Variants in USF3 observed in about 807,000 individuals in gnomAD.
USF3 encodes upstream transcription factor family member 3, also known as basic helix-loop-helix domain-containing protein USF3.
In USF3, 29 loss-of-function variants were observed where a neutral mutation model predicts 157.5. The ratio of observed to expected loss-of-function variants is 0.18; its 90% CI spans 0.14 to 0.25. The LOEUF (loss-of-function observed/expected upper bound fraction) is 0.25, where lower values mean the gene tolerates loss of function less well. Ranked by LOEUF, USF3 falls within the 10% of genes least tolerant of loss-of-function variation. The pLI is 1.00. For missense variants in USF3, 2,381 were observed against 2,667.6 expected, an observed-to-expected ratio of 0.89 and a Z score of 2.37; for synonymous variants, 893 against 941.4, an observed-to-expected ratio of 0.95 and a Z score of 0.94.
chr3:113,678,616 T>A (rs2107947926), intron 1 of USF3, among the ~76,000 whole-genome samples: 1 of 152,326 alleles, frequency 6.6e-6, no homozygotes, highest in Non-Finnish European at 1.5e-5. Flanking sequence ...GGAAAGGAAC[T>A]ATACAATATT....
chr3:113,677,113 G>A (rs2107946084), intron 2 of USF3, among the ~76,000 whole-genome samples, 169 bp downstream of exon 2: 1 of 152,274 alleles, frequency 6.6e-6, no homozygotes, highest in South Asian at 2.1e-4. Context: ...GTCGAGAAAT[G>A]TGTCATCAAG....
chr3:113,687,439 T>C (rs984092654), intron 1 of USF3, among the ~76,000 whole-genome samples: 59 of 152,320 alleles, frequency 3.9e-4, no homozygotes, highest in African/African-American at 1.3e-3. Flanking sequence ...TCATTGCTAC[T>C]GGGGTGTCAC....
chr3:113,656,963 G>T lies in USF3; in HGVS notation c.4719C>A (p.Ser1573=), dbSNP rs370605801. Residue 1573 remains serine (S), a synonymous_variant, in exon 7 of 7, where the codon TCC becomes TCA. Coordinates refer to ENST00000316407, the MANE Select transcript of USF3 (RefSeq NM_001009899.4). ...QQQMQQHFGS[S]QTEKSCENPS... is the part of the protein sequence containing the mutation. The stretch of plus-strand genomic sequence containing the variant: ...GGTTTTCACAGCTCTTCTCTGTCTG[G>T]GAGCTTCCAAAGTGTTGCTGCATTT... 5 of 1,614,008 alleles carry T rather than the reference G, an allele frequency of 3.1e-6. No homozygotes were observed. In the African/African-American group the frequency reaches 6.7e-5, roughly 22 times the overall value.
rs765047076 is a variant in USF3 at position 113,664,299 on chromosome 3, T to G, written c.256+14A>C. ...TTAAAATACAACAAAAAGTAAGAAC[T>G]TTTAAATCTTTACCTTGTTCATTGT... On this transcript the variant is annotated intron_variant, in intron 6 of 6. Transcript: ENST00000316407. 5 of 1,504,558 alleles carry G rather than the reference T, an allele frequency of 3.3e-6. No individual in the cohort carries two copies. Among genetic ancestry groups the G allele is most frequent in the Non-Finnish European group, 4.6e-6 (5 of 1,097,120 alleles). 93.2% of individuals were successfully genotyped at this position (1,504,558 alleles called of 1,614,324 possible).
At position 113,670,173 on chromosome 3, in the gene USF3, G is replaced by C. The variant is rs1246277722; in HGVS notation, c.107C>G (p.Ala36Gly). The change falls in exon 5 of 7, where the codon GCT (alanine) becomes GGT (glycine). Residue 36 changes from alanine (A) to glycine (G), a missense_variant. Ala to Gly is a moderately conservative substitution (Grantham distance 60). Around this residue, in one of 6 missense-constraint regions of USF3, gnomAD observed 105 missense variants for 158.6 expected, o/e 0.66. Transcript: ENST00000316407. ...VERHRKKKIN[A>G]GINRIGELIP... ...CAGCTCTCCTATTCTGTTTATCCCA[G>C]CATTAATTTTCTTCTTTCTATGCCT... 3 of 1,613,150 alleles carry C rather than the reference G, an allele frequency of 1.9e-6. No individual in the cohort carries two copies. Among genetic ancestry groups the C allele is most frequent in the Non-Finnish European group, 2.5e-6 (3 of 1,179,216 alleles).
rs1441728898 is a variant in USF3, at chr3:113,678,403, A to C, written c.-134-1006T>G. Among the ~76,000 whole-genome samples, 7 of 152,288 alleles carry C rather than the reference A, an allele frequency of 4.6e-5. No individual in the cohort carries two copies. In the East Asian group the frequency reaches 7.7e-4, roughly 17 times the overall value. On this transcript the variant is annotated intron_variant, in intron 1 of 6. Transcript: ENST00000316407. ...TAAAATCTTGAAGTCAATGACACTA[A>C]GGGTCTATCACATAAGTAAACATTC... is the stretch of plus-strand genomic sequence containing the variant.
intron 3 of USF3, 81 bp downstream of exon 3, chr3:113,674,751 G>A (rs1236884651): frequency 4.7e-6 from 5 of 1,063,206 alleles, no homozygotes; most frequent in Non-Finnish European, 7.4e-6. Context: ...GTTCTCTAAG[G>A]ACTACCTATG....
intron 1 of USF3, among the ~76,000 whole-genome samples, chr3:113,686,560 A>G (rs2107959307): frequency 6.6e-6 from 1 of 152,302 alleles, no homozygotes; most frequent in South Asian, 2.1e-4. Flanking sequence ...ACATGCCAGT[A>G]TTACAGGTGG....
intron 4 of USF3, among the ~76,000 whole-genome samples, chr3:113,672,133 T>C (rs1467667727): frequency 6.6e-6 from 1 of 151,602 alleles, no homozygotes; most frequent in Non-Finnish European, 1.5e-5. Context: ...ACACATCTCT[T>C]TCTTTTTTTT....
At position 113,653,846 on chromosome 3, in the gene USF3, CATT is replaced by C. The variant is rs1947308063; in HGVS notation, c.*1095_*1097del. The C allele has an allele frequency of 6.6e-6, 1 of 151,994 alleles. No homozygotes were observed. Among genetic ancestry groups the C allele is most frequent in the Non-Finnish European group, 1.5e-5 (1 of 68,012 alleles). 9.4% of individuals were successfully genotyped at this position (151,994 alleles called of 1,614,324 possible). ...AAGAAAAATAACAAATTCATATTCTCATTATAATTCTGTTATGAAGGATAATAA... is the reference window on the plus strand; with the variant it reads ...AAGAAAAATAACAAATTCATATTCTCATAATTCTGTTATGAAGGATAATAA... On this transcript the variant is annotated 3_prime_UTR_variant, in exon 7 of 7. Transcript: ENST00000316407.
In USF3 at chr3:113,658,775, A is replaced by T; in HGVS notation, c.2907T>A (p.Ser969Arg). The T allele has an allele frequency of 6.2e-7, 1 of 1,614,176 alleles. No individual in the cohort carries two copies. Among genetic ancestry groups the T allele is most frequent in the South Asian group, 1.1e-5 (1 of 91,084 alleles). ...PGLSSTTSTT[S>R]TDCVSEVEII... is the part of the protein sequence containing the mutation. ...TTTCTACCTCAGAAACACAGTCAGT[A>T]CTTGTAGTGCTTGTTGTAGATGACA... The change falls in exon 7 of 7, where the codon AGT (serine) becomes AGA (arginine). Residue 969 changes from serine (S) to arginine (R), a missense_variant. Coordinates refer to ENST00000316407, the MANE Select transcript of USF3 (RefSeq NM_001009899.4).
At chr3:113,666,964 T>A (rs1947580144) in intron 5 of USF3, among the ~76,000 whole-genome samples, 1 of 152,180 alleles carries the variant, frequency 6.6e-6, no homozygotes, top group African/African-American at 2.4e-5. Flanking sequence ...ACCTTAACAG[T>A]CATTTCTGGT....
intron 1 of USF3, among the ~76,000 whole-genome samples, chr3:113,687,340 C>T (rs557828985): frequency 6.6e-6 from 1 of 152,122 alleles, no homozygotes; most frequent in Admixed American, 6.5e-5. Context: ...CCCTGCCCCA[C>T]TCTTAGAATC....
Position 113,657,947 on chromosome 3 carries a change from G to T in USF3, c.3735C>A (p.Ile1245=), listed in dbSNP as rs749884333. 4 of 1,614,066 alleles carry T rather than the reference G, an allele frequency of 2.5e-6. No individual in the cohort carries two copies. The highest frequency in any genetic ancestry group is 3.4e-6 in the Non-Finnish European group (4 of 1,180,050). ...GAGGATGGCTGATGCTGCTCTGATG[G>T]ATAAGATTATTCACACTTAAACTGG... ...SITSLSVNNL[I]HQSSISHPLA... The change falls in exon 7 of 7, where the codon ATC becomes ATA. Residue 1245 remains isoleucine, a synonymous_variant. Coordinates refer to ENST00000316407, the MANE Select transcript of USF3 (RefSeq NM_001009899.4).
rs1233197308 is a variant in USF3 at position 113,661,005 on chromosome 3, C to T, written c.677G>A (p.Cys226Tyr). Residue 226 changes from cysteine to tyrosine, a missense_variant, in exon 7 of 7, where the codon TGT becomes TAT. Cys to Tyr is a radical substitution (Grantham distance 194). Coordinates refer to ENST00000316407, the MANE Select transcript of USF3 (RefSeq NM_001009899.4). ...ALATNQPVPL[C>Y]LPAAISAQSI... ...CTGAGCAGAAATGGCAGCAGGAAGA[C>T]AAAGAGGAACAGGCTGGTTGGTAGC... 2.5e-6 allele frequency: 4 copies of T among 1,614,116 alleles called. No homozygotes were observed. In the Admixed American group the frequency reaches 5.0e-5, roughly 20 times the overall value.
Position 113,651,630 on chromosome 3 carries a change from C to G in USF3, c.*3314G>C, listed in dbSNP as rs1947262704. On this transcript the variant is annotated 3_prime_UTR_variant, in exon 7 of 7. Transcript: ENST00000316407. ...ATTTCTTCCCAAAAATCACGTAGCT[C>G]TATCAAATACTTAATACTGCTAGTA... The G allele has an allele frequency of 6.6e-6, 1 of 152,204 alleles. No homozygotes were observed. Among genetic ancestry groups the G allele is most frequent in the Non-Finnish European group, 1.5e-5 (1 of 68,034 alleles). The allele number at this position is 152,204 out of a possible 1,614,324, so 9.4% of individuals were successfully genotyped here.
In USF3 at chr3:113,656,922, T is replaced by C. The variant is rs1947371028; in HGVS notation, c.4760A>G (p.Asn1587Ser). 1 of 1,614,188 alleles carries C rather than the reference T, an allele frequency of 6.2e-7. No homozygotes were observed. The highest frequency in any genetic ancestry group is 8.5e-7 in the Non-Finnish European group (1 of 1,180,022). ...KSCENPSTSRNHHNHPQNHLN... is the reference protein window; with the variant it reads ...KSCENPSTSRSHHNHPQNHLN... ...ATGGTTCTGGGGATGGTTATGATGG[T>C]TCCGACTAGTTGAAGGGTTTTCACA... Residue 1587 changes from asparagine (N) to serine (S), a missense_variant, in exon 7 of 7, where the codon AAC becomes AGC. Asn to Ser is a conservative substitution (Grantham distance 46, BLOSUM62 1). Coordinates refer to ENST00000316407, the MANE Select transcript of USF3 (RefSeq NM_001009899.4).
At position 113,657,294 on chromosome 3, in the gene USF3, TG is replaced by T. The variant is rs1258270758; in HGVS notation, c.4387del (p.Gln1463SerfsTer20). ...LHSNHLYIKQ[Q>X]QQQQQQQQQQ... Reference sequence around the variant, plus strand: ...CTGCTGCTGCTGCTGCTGCTGCTGCTGCTGCTTTATGTAGAGATGGTTACTA... The same window carrying T: ...CTGCTGCTGCTGCTGCTGCTGCTGCTCTGCTTTATGTAGAGATGGTTACTA... On this transcript the variant is annotated frameshift_variant, in exon 7 of 7. Transcript: ENST00000316407. LOFTEE classifies it high-confidence loss of function. The T allele has an allele frequency of 8.1e-6, 12 of 1,486,002 alleles. No homozygotes were observed. Among genetic ancestry groups the T allele is most frequent in the Non-Finnish European group, 1.1e-5 (12 of 1,080,974 alleles). 92.1% of individuals were successfully genotyped at this position (1,486,002 alleles called of 1,614,324 possible).
At position 113,657,575 on chromosome 3, in the gene USF3, G is replaced by T. The variant is rs1947389241; in HGVS notation, c.4107C>A (p.Asp1369Glu). The change falls in exon 7 of 7, where the codon GAC (aspartate) becomes GAA (glutamate). Residue 1369 changes from aspartate (D) to glutamate (E), a missense_variant. By Grantham distance (45) the Asp-to-Glu change is conservative. Coordinates refer to ENST00000316407, the MANE Select transcript of USF3 (RefSeq NM_001009899.4). Reference sequence around the variant, plus strand: ...TCTGACTGACCATCATTTGAGTTTGGTCAGAAATGGTGTCTGGAGTTCTGC... The same window carrying T: ...TCTGACTGACCATCATTTGAGTTTGTTCAGAAATGGTGTCTGGAGTTCTGC... ...LMSRTPDTIS[D>E]QTQMMVSQIP... The T allele has an allele frequency of 1.5e-5, 25 of 1,614,146 alleles. No homozygotes were observed. The highest frequency in any genetic ancestry group is 1.9e-5 in the Non-Finnish European group (23 of 1,180,030).
Sources: allele counts gnomAD v4.1 joint callset (sites outside exome capture counted in the v4.1 genomes callset), GRCh38; gene constraint gnomAD v4.1.1; regional missense constraint gnomAD v4.1.1; transcripts MANE v1.5; gene names NCBI Gene and HGNC (gene_info 2026-07-23, HGNC 2026-07-21).